Variants in MOV10L1 observed in about 807,000 individuals in gnomAD.
MOV10L1 encodes Mov10 like RNA helicase 1.
Under a neutral mutation model 143.8 loss-of-function variants are expected in MOV10L1, and 110 were observed. The observed-to-expected ratio is 0.76, with a 90% CI of 0.66 to 0.90. The LOEUF (loss-of-function observed/expected upper bound fraction) is 0.90, where lower values mean the gene tolerates loss of function less well. Ranked by LOEUF, MOV10L1 falls within the 40% of genes least tolerant of loss-of-function variation. The pLI is 0.00. For synonymous variants in MOV10L1, 593 were observed against 581.1 expected (o/e 1.02, Z -0.29); for missense variants, 1,406 against 1,526.8 (o/e 0.92, Z 1.32).
At chr22:50,104,670 T>C (rs1241889581) in intron 3 of MOV10L1, among the ~76,000 whole-genome samples, 1 of 152,216 alleles carries the variant, frequency 6.6e-6, no homozygotes, top group Non-Finnish European at 1.5e-5. Flanking sequence ...AAGGTGAGTA[T>C]ATTAAAAAAT....
intron 12 of MOV10L1, among the ~76,000 whole-genome samples, chr22:50,126,622 G>A (rs1165759449): frequency 1.3e-5 from 2 of 152,164 alleles, no homozygotes; most frequent in East Asian, 3.8e-4. Context: ...TTGCGTGAAG[G>A]TGGTTTTTTT....
intron 19 of MOV10L1, chr22:50,149,352 C>T: frequency 6.4e-6 from 3 of 469,188 alleles, no homozygotes; most frequent in South Asian, 4.9e-5. Flanking sequence ...TTGCCCATCG[C>T]TCCCACCCCT....
At chr22:50,129,966 C>G (rs4838843) in intron 13 of MOV10L1, among the ~76,000 whole-genome samples, 34,180 of 152,080 alleles carry the variant, frequency 0.22, 4,201 homozygotes, top group Admixed American at 0.35. Flanking sequence ...CTCCAGATTT[C>G]TTCCTTATCT....
chr22:50,131,940 C>G (rs1470987535), intron 13 of MOV10L1, among the ~76,000 whole-genome samples: 1 of 152,106 alleles, frequency 6.6e-6, no homozygotes, highest in African/African-American at 2.4e-5. Flanking sequence ...TCAGGAAGCC[C>G]AAGGTCAAGG....
chr22:50,142,007 C>A, intron 15 of MOV10L1, 74 bp from the exon 16 acceptor site: 2 of 1,187,670 alleles, frequency 1.7e-6, no homozygotes, highest in South Asian at 1.4e-5. Flanking sequence ...TAGATGTTTA[C>A]GTTTGCTCTT....
At chr22:50,103,799 T>C (rs2061804352) in intron 3 of MOV10L1, among the ~76,000 whole-genome samples, 1 of 152,198 alleles carries the variant, frequency 6.6e-6, no homozygotes, top group Non-Finnish European at 1.5e-5. Context: ...TGCATCCACT[T>C]AGAGCAGCAG....
chr22:50,120,663 T>C, intron 10 of MOV10L1, 47 bp downstream of exon 10: 1 of 1,335,740 alleles, frequency 7.5e-7, no homozygotes, highest in African/African-American at 1.5e-5. Flanking sequence ...CTTCTAATGC[T>C]CTTGTTTTCT....
At position 50,090,022 on chromosome 22, in the gene MOV10L1, G is replaced by A; in HGVS notation, c.-67G>A. Reference sequence around the variant, plus strand: ...GGCGACCCCATTGGTGGCGGGCGGCGGGAGCGGCGCGGGCGCGTGCGGGCG... The same window carrying A: ...GGCGACCCCATTGGTGGCGGGCGGCAGGAGCGGCGCGGGCGCGTGCGGGCG... On this transcript the variant is annotated 5_prime_UTR_variant, in exon 1 of 27. Transcript: ENST00000262794. 2 of 1,140,546 alleles carry A rather than the reference G, an allele frequency of 1.8e-6. No homozygotes were observed. The highest frequency in any genetic ancestry group is 1.1e-6 in the Non-Finnish European group (1 of 925,832). The allele number at this position is 1,140,546 out of a possible 1,614,324, so 70.7% of individuals were successfully genotyped here.
At chr22:50,130,136 A>T (rs2062629328) in intron 13 of MOV10L1, among the ~76,000 whole-genome samples, 2 of 152,122 alleles carry the variant, frequency 1.3e-5, no homozygotes, top group Non-Finnish European at 2.9e-5. Flanking sequence ...CTTAGTGGGC[A>T]TGATGGCACA....
intron 19 of MOV10L1, chr22:50,146,995 G>T: frequency 6.7e-7 from 1 of 1,484,054 alleles, no homozygotes; most frequent in South Asian, 1.2e-5. Flanking sequence ...GGATTGGACA[G>T]CACGGATCTG....
chr22:50,160,252 T>C (rs1602381901), intron 24 of MOV10L1, among the ~76,000 whole-genome samples: 2 of 147,706 alleles, frequency 1.4e-5, no homozygotes, highest in Admixed American at 1.3e-4. Context: ...TTTTTTTCTT[T>C]CTTTTTTTTT....
At chr22:50,124,026 T>C (rs1034766063) in intron 10 of MOV10L1, among the ~76,000 whole-genome samples, 1 of 152,202 alleles carries the variant, frequency 6.6e-6, no homozygotes, top group African/African-American at 2.4e-5. Context: ...TTTCCCTTTT[T>C]TCTAGTTAAT....
chr22:50,122,203 T>G (rs1366961970), intron 10 of MOV10L1, among the ~76,000 whole-genome samples: 1 of 152,228 alleles, frequency 6.6e-6, no homozygotes, highest in South Asian at 2.1e-4. Flanking sequence ...GTGTTAACAT[T>G]TATTTATGTC....
rs138309892 is a variant in MOV10L1, at chr22:50,140,465, T to C, written c.2071-1616T>C. 5.1e-3 allele frequency among the ~76,000 whole-genome samples: 772 copies of C among 152,316 alleles called. 5 individuals carry two copies. Among genetic ancestry groups the C allele is most frequent in the African/African-American group, 0.013 (550 of 41,564 alleles). On this transcript the variant is annotated intron_variant, in intron 15 of 26. Coordinates refer to ENST00000262794, the MANE Select transcript of MOV10L1 (RefSeq NM_018995.3). ...TAGGCATAACCTTCTAGACCATGGGTGTCCAATCTTTTGGCTTCCCTAGGC... is the reference window on the plus strand; with the variant it reads ...TAGGCATAACCTTCTAGACCATGGGCGTCCAATCTTTTGGCTTCCCTAGGC...
intron 16 of MOV10L1, among the ~76,000 whole-genome samples, chr22:50,142,489 CA>C (rs1375925464): frequency 6.6e-6 from 1 of 152,102 alleles, no homozygotes; most frequent in Non-Finnish European, 1.5e-5. Context: ...GACAGCCTGT[CA>C]TTTTCCTCTC....
intron 10 of MOV10L1, among the ~76,000 whole-genome samples, chr22:50,122,442 TG>T (rs2062372740): frequency 6.6e-6 from 1 of 152,260 alleles, no homozygotes; most frequent in Non-Finnish European, 1.5e-5. Context: ...AACAGTTTTT[TG>T]TGGAATCTTT....
chr22:50,145,440 C>G (rs890837446), intron 18 of MOV10L1, among the ~76,000 whole-genome samples: 1 of 152,144 alleles, frequency 6.6e-6, no homozygotes, highest in African/African-American at 2.4e-5. Flanking sequence ...AATAAACAAA[C>G]AAACAAACTG....
intron 10 of MOV10L1, among the ~76,000 whole-genome samples, chr22:50,122,496 A>C (rs2062375259): frequency 6.6e-6 from 1 of 152,194 alleles, no homozygotes; most frequent in African/African-American, 2.4e-5. Flanking sequence ...ATCTGCAAAC[A>C]GATAATTTTA....
intron 18 of MOV10L1, among the ~76,000 whole-genome samples, chr22:50,145,347 G>A (rs2063122454): frequency 6.6e-6 from 1 of 152,184 alleles, no homozygotes; most frequent in Non-Finnish European, 1.5e-5. Context: ...ACTTGAACCT[G>A]GGAGGCAGAG....
Sources: gnomAD v4.1 joint callset for allele counts (sites outside exome capture counted in the v4.1 genomes callset) on GRCh38, gnomAD v4.1.1 for gene constraint, MANE v1.5 for transcripts, NCBI Gene and HGNC (gene_info 2026-07-23, HGNC 2026-07-21) for gene names.